The following TNNT2 variants were observed in gnomAD, a reference collection of about 807,000 sequenced individuals.
The protein encoded by TNNT2 is troponin T2, cardiac type, also known as troponin T, cardiac muscle.
In TNNT2, 34 loss-of-function variants were observed where a neutral mutation model predicts 62.4. The observed-to-expected ratio is 0.54, with a 90% CI of 0.41 to 0.72. The LOEUF (loss-of-function observed/expected upper bound fraction) is 0.72, where lower values mean the gene tolerates loss of function less well. Ranked by LOEUF, TNNT2 falls within the 30% of genes least tolerant of loss-of-function variation. TNNT2 has a pLI of 0.00. For missense variants in TNNT2, 275 were observed against 381.9 expected (o/e 0.72, Z 2.33); for synonymous variants, 123 against 127.2 (o/e 0.97, Z 0.22).
chr1:201,372,930 G>A (rs1241762775), intron 2 of TNNT2, among the ~76,000 whole-genome samples: 1 of 152,184 alleles, frequency 6.6e-6, no homozygotes, highest in Non-Finnish European at 1.5e-5. Context: ...CAACATCTCA[G>A]CTTCTCTGTT....
intron 13 of TNNT2, 107 bp downstream of exon 13, chr1:201,362,279 A>G: frequency 6.5e-7 from 1 of 1,543,484 alleles, no homozygotes; most frequent in South Asian, 1.2e-5. Context: ...CCCCCTCCCC[A>G]GCCAGCCCAA....
intron 5 of TNNT2, chr1:201,369,469 G>T: frequency 2.0e-6 from 1 of 490,326 alleles, no homozygotes; most frequent in Admixed American, 2.3e-5. Context: ...ACACTGGGGT[G>T]TGCGCGGGGG....
chr1:201,359,486 G>C (rs1308982779), intron 16 of TNNT2, 137 bp downstream of exon 16: 1 of 1,052,630 alleles, frequency 9.5e-7, no homozygotes, highest in African/African-American at 1.6e-5. Flanking sequence ...GGAGGAGCCA[G>C]AGAAGGAAAC....
chr1:201,368,479 A>G (rs1660089754), intron 5 of TNNT2: 6 of 585,168 alleles, frequency 1.0e-5, no homozygotes, highest in Non-Finnish European at 1.9e-5. Context: ...TCATTCCCCA[A>G]CTTTCCAGCC....
intron 8 of TNNT2, chr1:201,366,563 G>A (rs978363132): frequency 7.4e-7 from 1 of 1,350,746 alleles, no homozygotes; most frequent in African/African-American, 1.5e-5. Flanking sequence ...TGAGAGAGGA[G>A]AGTGTCCGTT....
intron 1 of TNNT2, chr1:201,375,337 G>A (rs1402418518): frequency 6.6e-6 from 1 of 152,256 alleles, no homozygotes; most frequent in African/African-American, 2.4e-5. Context: ...AAACAAGCAT[G>A]GCTGCAGCAG....
chr1:201,361,848 C>T (rs1658701832), intron 14 of TNNT2, 65 bp downstream of exon 14: 13 of 1,487,030 alleles, frequency 8.7e-6, no homozygotes, highest in Non-Finnish European at 1.2e-5. Flanking sequence ...AAGAAGTGCC[C>T]TTGGCCCGAC....
intron 4 of TNNT2, among the ~76,000 whole-genome samples, chr1:201,371,636 T>C (rs774944146): frequency 6.6e-6 from 1 of 152,002 alleles, no homozygotes; most frequent in Admixed American, 6.6e-5. Context: ...AGGTGGAGTA[T>C]AGAGGAAAGA....
intron 9 of TNNT2, 54 bp downstream of exon 9, chr1:201,365,556 G>T (rs1659505509): frequency 1.3e-6 from 2 of 1,577,876 alleles, no homozygotes; most frequent in Admixed American, 3.4e-5. Context: ...TGTCACTGAG[G>T]GCCCTTGGGA....
intron 1 of TNNT2, among the ~76,000 whole-genome samples, chr1:201,377,124 G>C (rs1661518296): frequency 6.6e-6 from 1 of 152,186 alleles, no homozygotes; most frequent in South Asian, 2.1e-4. Flanking sequence ...ATGACCAGGA[G>C]ACTCACTTGA....
At chr1:201,365,731 C>T in intron 8 of TNNT2, 61 bp from the exon 9 acceptor site, 2 of 1,594,048 alleles carry the variant, frequency 1.3e-6, no homozygotes, top group Non-Finnish European at 1.7e-6. Context: ...TGAGGGTGTC[C>T]AGGACAGGCA....
At chr1:201,369,409 T>C (rs1452813853) in intron 5 of TNNT2, 6 of 476,318 alleles carry the variant, frequency 1.3e-5, no homozygotes, top group African/African-American at 8.0e-5. Flanking sequence ...AACCAACACC[T>C]GGCCACCCTG....
At chr1:201,367,698 G>T in intron 7 of TNNT2, 73 bp downstream of exon 7, 1 of 1,516,288 alleles carries the variant, frequency 6.6e-7, no homozygotes, top group Non-Finnish European at 9.2e-7. Context: ...AAAGAGCACT[G>T]TGGGCATTCT....
chr1:201,368,308 CGG>C, intron 5 of TNNT2, 81 bp from the exon 6 acceptor site: 1 of 1,453,440 alleles, frequency 6.9e-7, no homozygotes, highest in Non-Finnish European at 9.6e-7. Flanking sequence ...GAATGGGCAG[CGG>C]GGAGTGGGGA....
chr1:201,372,880 G>A (rs1660857835), intron 2 of TNNT2, among the ~76,000 whole-genome samples: 1 of 152,174 alleles, frequency 6.6e-6, no homozygotes, highest in Non-Finnish European at 1.5e-5. Context: ...CTGTGCCTCT[G>A]GAGAGTCACT....
intron 9 of TNNT2, 131 bp downstream of exon 9, chr1:201,365,478 AC>A: frequency 8.1e-7 from 1 of 1,230,762 alleles, no homozygotes; most frequent in Non-Finnish European, 1.2e-6. Flanking sequence ...ATGGATGGGC[AC>A]CCAGCCTGGC....
At chr1:201,371,507 G>A (rs572707332) in intron 4 of TNNT2, among the ~76,000 whole-genome samples, 1 of 152,292 alleles carries the variant, frequency 6.6e-6, no homozygotes, top group East Asian at 1.9e-4. Flanking sequence ...ATGGCATTGT[G>A]GTTATGGTTT....
chr1:201,360,858 C>A, intron 15 of TNNT2: 1 of 320,416 alleles, frequency 3.1e-6, no homozygotes, highest in Non-Finnish European at 6.1e-6. Flanking sequence ...AGACTGTGAG[C>A]TTGAGGCTCA....
rs10920185 is a variant in TNNT2 at position 201,373,139 on chromosome 1, G to C, written c.41+75C>G. ...TCTACCCAGAATCCGAGGGACAGCT[G>C]GGAGGCTCCTGGACCAGGTGTCAGG... is the stretch of plus-strand genomic sequence containing the variant. On this transcript the variant is annotated intron_variant, in intron 2 of 16. Coordinates refer to ENST00000656932, the MANE Select transcript of TNNT2 (RefSeq NM_001276345.2). 2,520 of 1,446,756 alleles carry C rather than the reference G, an allele frequency of 1.7e-3. 33 individuals carry two copies. In the African/African-American group the frequency reaches 0.032, roughly 18 times the overall value. 89.6% of individuals were successfully genotyped at this position (1,446,756 alleles called of 1,614,324 possible). A position where few individuals can be genotyped will look rare whatever the true frequency, so the allele number is the denominator to read the frequency against.
Sources: allele counts gnomAD v4.1 joint callset (sites outside exome capture counted in the v4.1 genomes callset), GRCh38; gene constraint gnomAD v4.1.1; transcripts MANE v1.5; gene names NCBI Gene and HGNC (gene_info 2026-07-23, HGNC 2026-07-21).